The following TMEM33 variants were observed in gnomAD, a reference collection of about 807,000 sequenced individuals.
The protein encoded by TMEM33 is transmembrane protein 33.
Under a neutral mutation model 29.7 loss-of-function variants are expected in TMEM33, and 16 were observed. That is an observed-to-expected ratio of 0.54 (90% CI 0.36 to 0.82). The LOEUF is 0.82. TMEM33 is among the 40% of genes least tolerant of loss of function. The pLI, the probability that TMEM33 is intolerant of heterozygous loss-of-function variation, is 0.00. For synonymous variants in TMEM33, 112 were observed against 109.4 expected, an observed-to-expected ratio of 1.02 and a Z score of -0.15; for missense variants, 252 against 295.3, an observed-to-expected ratio of 0.85 and a Z score of 1.08.
chr4:41,953,702 G>A (rs533820945), intron 6 of TMEM33: 1 of 455,936 alleles, frequency 2.2e-6, no homozygotes, highest in Non-Finnish European at 4.4e-6. Context: ...TCTGAGGAGA[G>A]GGAAAGAGAC....
At chr4:41,935,997 T>G (rs1056614243) in intron 1 of TMEM33, among the ~76,000 whole-genome samples, 26 of 152,240 alleles carry the variant, frequency 1.7e-4, no homozygotes, top group African/African-American at 6.0e-4. Flanking sequence ...CTTCACTTTG[T>G]TCTTTATGAA....
In TMEM33 at chr4:41,955,861, CAAG is replaced by C. The variant is rs1397777768; in HGVS notation, c.*1665_*1667del. 5.2e-5 allele frequency: 8 copies of C among 152,588 alleles called. No individual in the cohort carries two copies. The highest frequency in any genetic ancestry group is 1.9e-4 in the African/African-American group (8 of 41,432). 9.5% of individuals were successfully genotyped at this position (152,588 alleles called of 1,614,324 possible). A position where few individuals can be genotyped will look rare whatever the true frequency, so the allele number is the denominator to read the frequency against. ...TAAAAAATGAAGTCTTGAATTATAT[CAAG>C]AAATTTTGGCAGCTGAAGTCATGTT... is the stretch of plus-strand genomic sequence containing the variant. On this transcript the variant is annotated 3_prime_UTR_variant, in exon 7 of 7. Transcript: ENST00000504986.
intron 5 of TMEM33, among the ~76,000 whole-genome samples, chr4:41,945,563 A>T (rs1010709838): frequency 2.1e-4 from 32 of 152,348 alleles, no homozygotes; most frequent in Non-Finnish European, 1.9e-4. Flanking sequence ...TAAGGAGTTT[A>T]ATATGTGTCT....
At chr4:41,948,707 A>G (rs1342323825) in intron 5 of TMEM33, among the ~76,000 whole-genome samples, 1 of 152,110 alleles carries the variant, frequency 6.6e-6, no homozygotes, top group Non-Finnish European at 1.5e-5. Context: ...CTTACAGTTC[A>G]CATTAGGTTG....
upstream of TMEM33, chr4:41,935,256 G>T (rs1265351600): frequency 1.1e-5 from 7 of 611,494 alleles, no homozygotes; most frequent in Non-Finnish European, 5.8e-6. Context: ...TCGGCGGTGC[G>T]GGACAGGTAC....
rs1712367176 is a variant in TMEM33, at chr4:41,938,647, C to T, written c.91C>T (p.Arg31Cys). 1 of 1,614,096 alleles carries T rather than the reference C, an allele frequency of 6.2e-7. No individual in the cohort carries two copies. Among genetic ancestry groups the T allele is most frequent in the East Asian group, 2.2e-5 (1 of 44,864 alleles). Residue 31 changes from arginine to cysteine, a missense_variant, in exon 2 of 7, where the codon CGC becomes TGC. Transcript: ENST00000504986. Reference sequence around the variant, plus strand: ...ACTGGACACGGCAATGTGGCTTTCTCGCTTGTTCACAGTTTACTGCTCTGC... The same window carrying T: ...ACTGGACACGGCAATGTGGCTTTCTTGCTTGTTCACAGTTTACTGCTCTGC... ...NKLDTAMWLS[R>C]LFTVYCSALF...
chr4:41,942,470 T>C (rs1712585347), intron 3 of TMEM33, among the ~76,000 whole-genome samples: 1 of 152,214 alleles, frequency 6.6e-6, no homozygotes, highest in Non-Finnish European at 1.5e-5. Flanking sequence ...GTTATGGTTA[T>C]AATGAATTTG....
At chr4:41,939,153 GT>G in intron 2 of TMEM33, 42 bp from the exon 3 acceptor site, 1 of 1,529,040 alleles carries the variant, frequency 6.5e-7, no homozygotes, top group South Asian at 1.3e-5. Flanking sequence ...AGACACTGCA[GT>G]TGTTTATGTC....
chr4:41,957,238 G>C lies in TMEM33; in HGVS notation c.*3039G>C, dbSNP rs1458759818. On this transcript the variant is annotated 3_prime_UTR_variant, in exon 7 of 7. Transcript: ENST00000504986. ...ATTTAAACTCTAATATCAATCTAAA[G>C]AGAAATTTATTATGCAATTTGTATT... 1 of 148,040 alleles carries C rather than the reference G, an allele frequency of 6.8e-6. No homozygotes were observed. The highest frequency in any genetic ancestry group is 2.0e-4 in the East Asian group (1 of 5,070). The allele number at this position is 148,040 out of a possible 1,614,324, so 9.2% of individuals were successfully genotyped here. A position where few individuals can be genotyped will look rare whatever the true frequency, so the allele number is the denominator to read the frequency against.
chr4:41,946,991 A>G (rs1712824553), intron 5 of TMEM33, among the ~76,000 whole-genome samples: 1 of 152,144 alleles, frequency 6.6e-6, no homozygotes, highest in Admixed American at 6.5e-5. Context: ...TAAACCCAGC[A>G]CTTTGGGAAG....
chr4:41,941,465 A>G (rs971567611), intron 3 of TMEM33, among the ~76,000 whole-genome samples: 1 of 152,210 alleles, frequency 6.6e-6, no homozygotes, highest in African/African-American at 2.4e-5. Flanking sequence ...GGGTAAACTG[A>G]ATACGTCAAT....
In TMEM33 at chr4:41,958,835, A is replaced by G. The variant is rs1228130389; in HGVS notation, c.*4636A>G. 1 of 149,712 alleles carries G rather than the reference A, an allele frequency of 6.7e-6. No individual in the cohort carries two copies. Among genetic ancestry groups the G allele is most frequent in the Non-Finnish European group, 1.5e-5 (1 of 67,976 alleles). 9.3% of individuals were successfully genotyped at this position (149,712 alleles called of 1,614,324 possible). ...GCGATTCTCATGCCTCAGCCTCCCT[A>G]GTAGCTGAGACTACAGGCGTGCACC... On this transcript the variant is annotated 3_prime_UTR_variant, in exon 7 of 7. Transcript: ENST00000504986.
chr4:41,941,389 C>G (rs781305700), intron 3 of TMEM33, among the ~76,000 whole-genome samples: 1 of 152,098 alleles, frequency 6.6e-6, no homozygotes, highest in Non-Finnish European at 1.5e-5. Context: ...TTTGGTCATG[C>G]CTTTTAGTAG....
chr4:41,935,359 A>T (rs1258447844), upstream of TMEM33: 1 of 1,049,008 alleles, frequency 9.5e-7, no homozygotes, highest in South Asian at 1.4e-5. Context: ...GGCAGGGTGC[A>T]TCCGGCCTGT....
At chr4:41,952,387 C>G (rs906347110) in intron 6 of TMEM33, among the ~76,000 whole-genome samples, 1 of 152,168 alleles carries the variant, frequency 6.6e-6, no homozygotes, top group African/African-American at 2.4e-5. Context: ...ATAGTAGTTG[C>G]ATCTTTATAC....
upstream of TMEM33, chr4:41,935,370 G>C: frequency 8.7e-7 from 1 of 1,155,556 alleles, no homozygotes; most frequent in Non-Finnish European, 1.3e-6. Context: ...TCCGGCCTGT[G>C]TGTGGCGCGA....
In TMEM33 at chr4:41,935,861, T is replaced by A. The variant is rs908441971; in HGVS notation, c.45+332T>A. Among the ~76,000 whole-genome samples the A allele has an allele frequency of 3.9e-5, 6 of 152,164 alleles. No homozygotes were observed. In the South Asian group the frequency reaches 1.2e-3, roughly 32 times the overall value. On this transcript the variant is annotated intron_variant, in intron 1 of 6. Transcript: ENST00000504986. ...AAAGATGCCGCATGAGATTGTGCCATGACACACATGATCCATGACACACAC... is the reference window on the plus strand; with the variant it reads ...AAAGATGCCGCATGAGATTGTGCCAAGACACACATGATCCATGACACACAC...
chr4:41,935,229 G>C (rs1016806033), upstream of TMEM33: 2 of 580,826 alleles, frequency 3.4e-6, no homozygotes, highest in Admixed American at 6.2e-5. Flanking sequence ...CGTCTTTCTG[G>C]AAACACCGCT....
Position 41,944,751 on chromosome 4 carries a change from A to G in TMEM33, c.397-42A>G, listed in dbSNP as rs773277304. The G allele has an allele frequency of 1.9e-6, 3 of 1,602,954 alleles. No homozygotes were observed. In the Admixed American group the frequency reaches 5.1e-5, roughly 27 times the overall value. ...ACAGAAAGAAAATATTGTTATCAGA[A>G]ATGCTTCACTTATTTCTAATGTTGG... On this transcript the variant is annotated intron_variant, in intron 4 of 6. Coordinates refer to ENST00000504986, the MANE Select transcript of TMEM33 (RefSeq NM_018126.3).
Sources: gnomAD v4.1 joint callset for allele counts (sites outside exome capture counted in the v4.1 genomes callset) on GRCh38, gnomAD v4.1.1 for gene constraint, MANE v1.5 for transcripts, NCBI Gene and HGNC (gene_info 2026-07-23, HGNC 2026-07-21) for gene names.